PACSIN2: variants seen among roughly 807,000 people sequenced by gnomAD.
The protein encoded by PACSIN2 is protein kinase C and casein kinase substrate in neurons 2, also known as protein kinase C and casein kinase substrate in neurons protein 2.
A neutral mutation model predicts 63.8 loss-of-function variants in PACSIN2; 25 were observed. That is an observed-to-expected ratio of 0.39 (90% CI 0.29 to 0.55). The LOEUF is 0.55. Among genes scored for constraint, PACSIN2 ranks in the 20% least tolerant of loss-of-function variants. PACSIN2 has a pLI of 0.62. For synonymous variants in PACSIN2, 255 were observed against 256.2 expected (o/e 1.00, Z 0.05); for missense variants, 518 against 646.9 (o/e 0.80, Z 2.16).
chr22:43,012,085 C>G (rs1232662068), intron 1 of PACSIN2, among the ~76,000 whole-genome samples: 1 of 152,012 alleles, frequency 6.6e-6, no homozygotes, highest in Non-Finnish European at 1.5e-5. Flanking sequence ...GCAGAGGTTA[C>G]AGTGAGCTGA....
chr22:42,947,999 G>A (rs1430014690), intron 1 of PACSIN2, among the ~76,000 whole-genome samples: 1 of 152,226 alleles, frequency 6.6e-6, no homozygotes. Context: ...CCAAGAGCTA[G>A]GAAACAGTTC....
chr22:42,972,128 T>C (rs982423232), intron 1 of PACSIN2, among the ~76,000 whole-genome samples: 1 of 152,152 alleles, frequency 6.6e-6, no homozygotes, highest in African/African-American at 2.4e-5. Flanking sequence ...TGGAAAGAAG[T>C]AGACATAGGA....
rs1321280311 is a variant in PACSIN2 at position 42,902,087 on chromosome 22, G to A, written c.61-8474C>T. Among the ~76,000 whole-genome samples the A allele has an allele frequency of 2.0e-5, 3 of 152,250 alleles. No individual in the cohort carries two copies. In the East Asian group the frequency reaches 5.8e-4, roughly 29 times the overall value. ...ATCCACTGTGTGTGAAGGGCCACGAGGCCCTAGGGATATAGTGGTGAACAA... is the reference window on the plus strand; with the variant it reads ...ATCCACTGTGTGTGAAGGGCCACGAAGCCCTAGGGATATAGTGGTGAACAA... On this transcript the variant is annotated intron_variant, in intron 2 of 10. Transcript: ENST00000263246.
At position 42,876,902 on chromosome 22, in the gene PACSIN2, G is replaced by A. The variant is rs1216379160; in HGVS notation, c.1137C>T (p.Asp379=). Residue 379 remains aspartate, a synonymous_variant, in exon 9 of 11, where the codon GAC becomes GAT. Coordinates refer to ENST00000263246, the MANE Select transcript of PACSIN2 (RefSeq NM_001184970.3). ...DTGSTVSEKD[D]TKAKNVSSYE... is the part of the protein sequence containing the mutation. ...TGTTCACCAACTTTTTGGCCTTAGT[G>A]TCGTCCTTCTCACTGACGGTGCTGC... The A allele has an allele frequency of 6.2e-7, 1 of 1,614,194 alleles. No homozygotes were observed. Among genetic ancestry groups the A allele is most frequent in the Admixed American group, 1.7e-5 (1 of 60,016 alleles).
chr22:42,937,309 C>G (rs1021951470), intron 1 of PACSIN2, among the ~76,000 whole-genome samples: 2 of 152,036 alleles, frequency 1.3e-5, no homozygotes, highest in Admixed American at 1.3e-4. Context: ...GCAGCCCCAG[C>G]AAAAGGCAAG....
chr22:42,906,595 A>G (rs1931091461), intron 2 of PACSIN2, among the ~76,000 whole-genome samples: 1 of 152,190 alleles, frequency 6.6e-6, no homozygotes, highest in Non-Finnish European at 1.5e-5. Context: ...TCACCCACCA[A>G]AGAAGGGCAG....
intron 4 of PACSIN2, among the ~76,000 whole-genome samples, chr22:42,890,515 C>T (rs187313812): frequency 1.8e-4 from 27 of 151,978 alleles, no homozygotes; most frequent in Non-Finnish European, 2.6e-4. Context: ...GTCAAGAGTT[C>T]GAGACCAGCC....
At chr22:42,964,371 T>C (rs571942837) in intron 1 of PACSIN2, among the ~76,000 whole-genome samples, 37 of 148,318 alleles carry the variant, frequency 2.5e-4, no homozygotes, top group Non-Finnish European at 4.6e-4. Context: ...TGAGCCAAGA[T>C]CGTGCCATTA....
At chr22:43,000,135 TGG>T (rs1923673334) in intron 1 of PACSIN2, among the ~76,000 whole-genome samples, 1 of 152,194 alleles carries the variant, frequency 6.6e-6, no homozygotes, top group Non-Finnish European at 1.5e-5. Flanking sequence ...GTAGCCCCAA[TGG>T]ACGGGGCCGG....
chr22:42,937,586 C>T (rs1286127302), intron 1 of PACSIN2, among the ~76,000 whole-genome samples: 1 of 152,152 alleles, frequency 6.6e-6, no homozygotes, highest in Non-Finnish European at 1.5e-5. Context: ...CACACGGCCT[C>T]ATTCTCAAGG....
At chr22:42,956,764 G>A (rs771957117) in intron 1 of PACSIN2, among the ~76,000 whole-genome samples, 1 of 152,046 alleles carries the variant, frequency 6.6e-6, no homozygotes, top group Non-Finnish European at 1.5e-5. Context: ...GGGGGCTGCC[G>A]TTTAACCCCT....
intron 1 of PACSIN2, among the ~76,000 whole-genome samples, chr22:42,920,203 T>C (rs921007058): frequency 6.6e-6 from 1 of 152,168 alleles, no homozygotes; most frequent in African/African-American, 2.4e-5. Context: ...ATGAGTTCTG[T>C]GAACTCTGAA....
At chr22:42,967,303 T>C (rs1474828144) in intron 1 of PACSIN2, among the ~76,000 whole-genome samples, 1 of 152,120 alleles carries the variant, frequency 6.6e-6, no homozygotes, top group Non-Finnish European at 1.5e-5. Context: ...AGGGACCAGA[T>C]AGAAGATCCC....
Position 42,879,085 on chromosome 22 carries a change from G to C in PACSIN2, c.991C>G (p.Gln331Glu), listed in dbSNP as rs1928872283. 3 of 1,614,022 alleles carry C rather than the reference G, an allele frequency of 1.9e-6. No homozygotes were observed. In the African/African-American group the frequency reaches 4.0e-5, roughly 22 times the overall value. Residue 331 changes from glutamine to glutamate, a missense_variant, in exon 8 of 11, where the codon CAG becomes GAG. Physicochemically the swap from Gln to Glu is conservative, Grantham distance 29 (BLOSUM62 2). Around this residue, in one of 2 missense-constraint regions of PACSIN2, gnomAD observed 507 missense variants for 612.3 expected, o/e 0.83. Coordinates refer to ENST00000263246, the MANE Select transcript of PACSIN2 (RefSeq NM_001184970.3). The stretch of plus-strand genomic sequence containing the variant: ...CTCGGCAGAGACTGGTCGCCTGTCT[G>C]GTTGATGCCCGTCAGGGTGACGCCG... ...TDGVTLTGIN[Q>E]TGDQSLPSKP...
At chr22:42,966,167 C>T (rs376937167) in intron 1 of PACSIN2, among the ~76,000 whole-genome samples, 32 of 152,124 alleles carry the variant, frequency 2.1e-4, no homozygotes, top group Non-Finnish European at 4.3e-4. Context: ...GTCAAGAGAT[C>T]GAGACCATCT....
intron 2 of PACSIN2, among the ~76,000 whole-genome samples, chr22:42,899,158 AT>A (rs1466025487): frequency 2.6e-5 from 4 of 152,178 alleles, no homozygotes; most frequent in Non-Finnish European, 4.4e-5. Context: ...CTCTTTCTCC[AT>A]TGCTTTCCAC....
chr22:42,947,437 T>C (rs1330228110), intron 1 of PACSIN2, among the ~76,000 whole-genome samples: 1 of 152,092 alleles, frequency 6.6e-6, no homozygotes, highest in Non-Finnish European at 1.5e-5. Flanking sequence ...CTGTGGCCCT[T>C]TGTCCACAAA....
chr22:42,917,074 A>C (rs1387396664), intron 1 of PACSIN2, among the ~76,000 whole-genome samples: 1 of 152,198 alleles, frequency 6.6e-6, no homozygotes, highest in African/African-American at 2.4e-5. Flanking sequence ...CATGTGCCAG[A>C]CACTGCGCCC....
At chr22:42,983,247 G>A (rs1184075032) in intron 1 of PACSIN2, among the ~76,000 whole-genome samples, 2 of 151,440 alleles carry the variant, frequency 1.3e-5, no homozygotes, top group Admixed American at 6.6e-5. Flanking sequence ...AATCCAGGAG[G>A]TGGAGGCTGC....
Sources: allele counts gnomAD v4.1 joint callset (sites outside exome capture counted in the v4.1 genomes callset), GRCh38; gene constraint gnomAD v4.1.1; regional missense constraint gnomAD v4.1.1; transcripts MANE v1.5; gene names NCBI Gene and HGNC (gene_info 2026-07-23, HGNC 2026-07-21).